METTL9: variants seen among roughly 807,000 people sequenced by gnomAD.
METTL9 encodes protein-L-histidine N-pros-methyltransferase.
Under a neutral mutation model 36.0 loss-of-function variants are expected in METTL9, and 10 were observed. The observed-to-expected ratio is 0.28, with a 90% CI of 0.17 to 0.47. The LOEUF (loss-of-function observed/expected upper bound fraction) is 0.47, where lower values mean the gene tolerates loss of function less well. Ranked by LOEUF, METTL9 falls within the 20% of genes least tolerant of loss-of-function variation. METTL9 has a pLI of 0.99. For synonymous variants in METTL9, 175 were observed against 149.7 expected, an observed-to-expected ratio of 1.17 and a Z score of -1.23; for missense variants, 246 against 383.5, an observed-to-expected ratio of 0.64 and a Z score of 3.00.
intron 4 of METTL9, among the ~76,000 whole-genome samples, chr16:21,630,385 A>T (rs1489084371): frequency 3.3e-5 from 5 of 152,210 alleles, no homozygotes; most frequent in Non-Finnish European, 4.4e-5. Flanking sequence ...GGCCAGCCCC[A>T]GAGAGGAGGC....
chr16:21,631,249 G>A lies in METTL9; in HGVS notation c.751+6134G>A, dbSNP rs1055050702. ...TGTATGGCTCTGTGCTGACGGACTTGAGCTTTGAAGAGTATTGATAGGGTC... is the reference window on the plus strand; with the variant it reads ...TGTATGGCTCTGTGCTGACGGACTTAAGCTTTGAAGAGTATTGATAGGGTC... On this transcript the variant is annotated intron_variant, in intron 4 of 4. Coordinates refer to ENST00000358154, the MANE Select transcript of METTL9 (RefSeq NM_016025.5). Among the ~76,000 whole-genome samples, 7 of 152,160 alleles carry A rather than the reference G, an allele frequency of 4.6e-5. 1 individual carries two copies. Among genetic ancestry groups the A allele is most frequent in the African/African-American group, 7.2e-5 (3 of 41,430 alleles).
At chr16:21,633,013 A>T (rs1018993872) in intron 4 of METTL9, among the ~76,000 whole-genome samples, 2 of 152,054 alleles carry the variant, frequency 1.3e-5, no homozygotes, top group African/African-American at 2.4e-5. Context: ...CTAGATGAGT[A>T]TTTGCTCTCT....
intron 4 of METTL9, among the ~76,000 whole-genome samples, chr16:21,650,489 C>T (rs1191294193): frequency 8.0e-6 from 1 of 124,444 alleles, no homozygotes; most frequent in African/African-American, 3.1e-5. Context: ...GCCTGGGTGA[C>T]AGAGTGAGAC....
At chr16:21,617,307 A>G (rs957303888) in intron 2 of METTL9, among the ~76,000 whole-genome samples, 3 of 151,658 alleles carry the variant, frequency 2.0e-5, no homozygotes, top group Admixed American at 6.6e-5. Context: ...AGTCCCAGCT[A>G]CTCAGGAGGC....
At chr16:21,640,615 A>C (rs1966231317) in intron 4 of METTL9, 1 of 149,746 alleles carries the variant, frequency 6.7e-6, no homozygotes, top group Admixed American at 6.6e-5. Flanking sequence ...AAAAAAAAAA[A>C]AATTAGCCGG....
intron 4 of METTL9, chr16:21,644,520 C>T (rs1481729206): frequency 4.7e-6 from 3 of 632,792 alleles, no homozygotes; most frequent in Non-Finnish European, 8.3e-6. Flanking sequence ...CTTGCCTATT[C>T]GTATAAAAAC....
At chr16:21,622,162 TGA>T (rs1965720054) in intron 3 of METTL9, among the ~76,000 whole-genome samples, 1 of 136,060 alleles carries the variant, frequency 7.3e-6, no homozygotes, top group Non-Finnish European at 1.6e-5. Context: ...TTTTTTTTTT[TGA>T]GACAGGATCT....
chr16:21,609,912 T>C (rs1440429710), intron 1 of METTL9, among the ~76,000 whole-genome samples: 1 of 152,296 alleles, frequency 6.6e-6, no homozygotes, highest in Middle Eastern at 3.4e-3. Flanking sequence ...CAGGCCACTT[T>C]TAATTTCTGG....
intron 4 of METTL9, chr16:21,652,418 CATA>C: frequency 1.4e-6 from 1 of 736,070 alleles, no homozygotes. Context: ...AGGCAGTTTT[CATA>C]ATGTTATACA....
chr16:21,610,378 C>G (rs1965399279), intron 1 of METTL9, among the ~76,000 whole-genome samples: 1 of 152,202 alleles, frequency 6.6e-6, no homozygotes, highest in Non-Finnish European at 1.5e-5. Context: ...AATCTATTAT[C>G]ACATCTTGCT....
At chr16:21,625,761 T>G (rs1204813818) in intron 4 of METTL9, among the ~76,000 whole-genome samples, 1 of 152,154 alleles carries the variant, frequency 6.6e-6, no homozygotes, top group Admixed American at 6.5e-5. Flanking sequence ...AGTTATAGTT[T>G]TAGTTTGTGT....
intron 1 of METTL9, among the ~76,000 whole-genome samples, chr16:21,600,861 T>C (rs1346126947): frequency 2.6e-5 from 4 of 152,230 alleles, no homozygotes; most frequent in African/African-American, 9.6e-5. Context: ...TGCTTTTCCA[T>C]AGAGTATTAA....
At chr16:21,637,512 C>T (rs924135559) in intron 4 of METTL9, among the ~76,000 whole-genome samples, 9 of 152,238 alleles carry the variant, frequency 5.9e-5, no homozygotes, top group African/African-American at 2.2e-4. Flanking sequence ...TTCTCCAGGT[C>T]CCCACCCGAC....
At chr16:21,601,702 G>A (rs1167753143) in intron 1 of METTL9, among the ~76,000 whole-genome samples, 2 of 151,284 alleles carry the variant, frequency 1.3e-5, no homozygotes, top group African/African-American at 4.9e-5. Context: ...TTTCAGATAC[G>A]TTTATTTCAG....
intron 4 of METTL9, chr16:21,644,489 G>C (rs1308992617): frequency 1.2e-6 from 1 of 830,650 alleles, no homozygotes; most frequent in East Asian, 2.7e-5. Flanking sequence ...CGTTTTAGAG[G>C]TGAAACGTGA....
At chr16:21,637,339 A>G (rs995917443) in intron 4 of METTL9, among the ~76,000 whole-genome samples, 5 of 151,922 alleles carry the variant, frequency 3.3e-5, no homozygotes, top group Non-Finnish European at 5.9e-5. Context: ...GCTAGACACA[A>G]GTTCTCCAAG....
intron 2 of METTL9, among the ~76,000 whole-genome samples, chr16:21,613,038 G>A (rs1231479589): frequency 6.6e-6 from 1 of 151,912 alleles, no homozygotes; most frequent in Non-Finnish European, 1.5e-5. Context: ...AGCCTCATTA[G>A]TATGTTTATT....
Position 21,650,147 on chromosome 16 carries a change from C to G in METTL9, c.752-5080C>G, listed in dbSNP as rs1028764609. ...TGGGCAGCATTGTGAGTCCCTGTCT[C>G]TATTAAAGGAATAGAGTCTGGACGT... is the stretch of plus-strand genomic sequence containing the variant. On this transcript the variant is annotated intron_variant, in intron 4 of 4. Coordinates refer to ENST00000358154, the MANE Select transcript of METTL9 (RefSeq NM_016025.5). Among the ~76,000 whole-genome samples, 4 of 151,822 alleles carry G rather than the reference C, an allele frequency of 2.6e-5. No individual in the cohort carries two copies. In the South Asian group the frequency reaches 8.3e-4, roughly 31 times the overall value.
chr16:21,633,546 G>A (rs969264183), intron 4 of METTL9, among the ~76,000 whole-genome samples: 1 of 152,122 alleles, frequency 6.6e-6, no homozygotes, highest in Admixed American at 6.6e-5. Flanking sequence ...CAGTGTGCAG[G>A]GTAATACAGA....
Sources: allele counts gnomAD v4.1 joint callset (sites outside exome capture counted in the v4.1 genomes callset), GRCh38; gene constraint gnomAD v4.1.1; transcripts MANE v1.5; gene names NCBI Gene and HGNC (gene_info 2026-07-23, HGNC 2026-07-21).